Variants in DNAH11 observed in about 807,000 individuals in gnomAD.
DNAH11 encodes axonemal beta dynein heavy chain 11.
In DNAH11, 442 loss-of-function variants were observed where a neutral mutation model predicts 526.0. The observed-to-expected ratio is 0.84, with a 90% CI of 0.78 to 0.91. The LOEUF is 0.91. Ranked by LOEUF, DNAH11 falls within the 40% of genes least tolerant of loss-of-function variation. DNAH11 has a pLI of 0.00. For synonymous variants in DNAH11, 2,461 were observed against 1,935.9 expected (o/e 1.27, Z -7.12); for missense variants, 6,989 against 5,448.7 (o/e 1.28, Z -8.90).
chr7:21,559,755 T>C lies in DNAH11; in HGVS notation c.845T>C (p.Met282Thr), dbSNP rs747087320. ...CCTCAAGCAGAACTAGATTTCTGGA[T>C]GATGAGGAGAGAAAATCTGTCATGC... is the stretch of plus-strand genomic sequence containing the variant. Reference protein sequence around the residue: ...LSPQAELDFWMMRRENLSCIY... With the variant: ...LSPQAELDFWTMRRENLSCIY... Residue 282 changes from methionine to threonine, a missense_variant, in exon 4 of 82, where the codon ATG becomes ACG. By Grantham distance (81) the Met-to-Thr change is moderately conservative. Transcript: ENST00000409508. The C allele has an allele frequency of 8.3e-5, 133 of 1,607,004 alleles. No homozygotes were observed. Among genetic ancestry groups the C allele is most frequent in the East Asian group, 7.4e-4 (33 of 44,694 alleles).
In DNAH11 at chr7:21,816,532, C is replaced by A. The variant is rs748648201; in HGVS notation, c.10398C>A (p.Ala3466=). The part of the protein sequence containing the change: ...ISMLTDDATI[A]AWNNEGLPSD... ...TGTTGACGGATGATGCTACAATTGC[C>A]GCCTGGAATAACGAAGGACTGCCCA... Residue 3466 remains alanine (A), a synonymous_variant, in exon 64 of 82, where the codon GCC becomes GCA. Transcript: ENST00000409508. The A allele has an allele frequency of 6.2e-7, 1 of 1,612,728 alleles. No homozygotes were observed. Among genetic ancestry groups the A allele is most frequent in the African/African-American group, 1.3e-5 (1 of 74,976 alleles).
At position 21,798,746 on chromosome 7, in the gene DNAH11, C is replaced by T. The variant is rs1253279533; in HGVS notation, c.10027-2391C>T. Among the ~76,000 whole-genome samples, 3 of 152,172 alleles carry T rather than the reference C, an allele frequency of 2.0e-5. No individual in the cohort carries two copies. In the East Asian group the frequency reaches 5.8e-4, roughly 29 times the overall value. On this transcript the variant is annotated intron_variant, in intron 61 of 81. Coordinates refer to ENST00000409508, the MANE Select transcript of DNAH11 (RefSeq NM_001277115.2). ...TCAGCTGCTGTATGACATGCAACAC[C>T]TCAACAGATTGAATGCAATAGCAGG...
intron 54 of DNAH11, among the ~76,000 whole-genome samples, chr7:21,750,908 A>T (rs1394060764): frequency 2.0e-5 from 3 of 152,202 alleles, no homozygotes; most frequent in Non-Finnish European, 2.9e-5. Flanking sequence ...AGATCAGTAA[A>T]TCTGGAAAAG....
At chr7:21,577,005 G>A (rs1583496196) in intron 8 of DNAH11, among the ~76,000 whole-genome samples, 1 of 152,134 alleles carries the variant, frequency 6.6e-6, no homozygotes, top group Non-Finnish European at 1.5e-5. Context: ...GACTCTGAAA[G>A]GTGAAAAGAA....
rs758763580 is a variant in DNAH11 at position 21,784,523 on chromosome 7, C to T, written c.9580C>T (p.Leu3194Phe). ...EPALVAATAA[L>F]NTLNRVNLSE... ...TGCACTGGTGGCTGCTACAGCTGCACTCAATACACTCAACAGGGTAAAGAT... is the reference window on the plus strand; with the variant it reads ...TGCACTGGTGGCTGCTACAGCTGCATTCAATACACTCAACAGGGTAAAGAT... The change falls in exon 58 of 82, where the codon CTC (leucine) becomes TTC (phenylalanine). Residue 3194 changes from leucine (L) to phenylalanine (F), a missense_variant. Physicochemically the swap from Leu to Phe is conservative, Grantham distance 22 (BLOSUM62 0). Coordinates refer to ENST00000409508, the MANE Select transcript of DNAH11 (RefSeq NM_001277115.2). The T allele has an allele frequency of 6.2e-7, 1 of 1,609,672 alleles. No homozygotes were observed. The highest frequency in any genetic ancestry group is 8.5e-7 in the Non-Finnish European group (1 of 1,177,640).
At chr7:21,855,330 C>T (rs1340351837) in intron 68 of DNAH11, among the ~76,000 whole-genome samples, 1 of 152,158 alleles carries the variant, frequency 6.6e-6, no homozygotes, top group African/African-American at 2.4e-5. Flanking sequence ...CGCACCTGGC[C>T]AGCAGACTCT....
At chr7:21,623,532 A>T (rs1458967145) in intron 25 of DNAH11, among the ~76,000 whole-genome samples, 2 of 152,226 alleles carry the variant, frequency 1.3e-5, no homozygotes, top group East Asian at 3.8e-4. Context: ...TTATTGTGGC[A>T]CTATTCACAA....
At chr7:21,780,971 G>C (rs2127983660) in intron 57 of DNAH11, among the ~76,000 whole-genome samples, 1 of 152,298 alleles carries the variant, frequency 6.6e-6, no homozygotes, top group South Asian at 2.1e-4. Flanking sequence ...ATCCAGTAGA[G>C]AGACATGATG....
In DNAH11 at chr7:21,546,271, C is replaced by T. The variant is rs968413222; in HGVS notation, c.495+1122C>T. 1.1e-4 allele frequency among the ~76,000 whole-genome samples: 16 copies of T among 152,364 alleles called. No individual in the cohort carries two copies. The East Asian group carries it at 2.9e-3, about 28-fold the overall frequency. On this transcript the variant is annotated intron_variant, in intron 2 of 81. Coordinates refer to ENST00000409508, the MANE Select transcript of DNAH11 (RefSeq NM_001277115.2). ...TAACCAAAGTCTCTCACCCCTAACT[C>T]CTGTACCCTGCCTGGGTTTCCCTTC... is the stretch of plus-strand genomic sequence containing the variant.
intron 30 of DNAH11, among the ~76,000 whole-genome samples, chr7:21,665,851 C>A (rs922944548): frequency 4.6e-5 from 7 of 152,082 alleles, no homozygotes; most frequent in Admixed American, 3.9e-4. Context: ...ATGTATATTA[C>A]AGAAGCTAAC....
intron 65 of DNAH11, among the ~76,000 whole-genome samples, chr7:21,826,767 A>G (rs374223856): frequency 3.7e-4 from 56 of 152,238 alleles, no homozygotes; most frequent in African/African-American, 1.3e-3. Context: ...ATGTCCTCAA[A>G]CTCAGGTGGG....
intron 51 of DNAH11, among the ~76,000 whole-genome samples, chr7:21,747,328 G>T (rs973851242): frequency 6.6e-6 from 1 of 152,064 alleles, no homozygotes; most frequent in Non-Finnish European, 1.5e-5. Flanking sequence ...ACATGTGCTG[G>T]TCCTAATATA....
rs755550337 is a variant in DNAH11, at chr7:21,773,784, A to T, written c.9121A>T (p.Ile3041Phe). The T allele has an allele frequency of 1.3e-5, 21 of 1,600,364 alleles. No homozygotes were observed. Among genetic ancestry groups the T allele is most frequent in the Non-Finnish European group, 1.6e-5 (19 of 1,173,556 alleles). Residue 3041 changes from isoleucine to phenylalanine, a missense_variant, in exon 56 of 82, where the codon ATT becomes TTT. By Grantham distance (21) the Ile-to-Phe change is conservative. Transcript: ENST00000409508. ...KGIEPVHKDS[I>F]SLFMAHVHTT... ...TTTTCAGCCAGTGCACAAAGACTCTATTAGCCTTTTCATGGCACATGTTCA... is the reference window on the plus strand; with the variant it reads ...TTTTCAGCCAGTGCACAAAGACTCTTTTAGCCTTTTCATGGCACATGTTCA...
At chr7:21,682,525 C>CAAAAA (rs60337481) in intron 31 of DNAH11, among the ~76,000 whole-genome samples, 1 of 96,040 alleles carries the variant, frequency 1.0e-5, no homozygotes, top group African/African-American at 3.7e-5. Context: ...GACTCCATCT[C>CAAAAA]AAAAAAAAAA....
intron 48 of DNAH11, 63 bp downstream of exon 48, chr7:21,739,736 C>A: frequency 3.2e-6 from 4 of 1,257,994 alleles, no homozygotes; most frequent in Non-Finnish European, 4.5e-6. Flanking sequence ...TCGAGTACAG[C>A]TTAGGATTCC....
chr7:21,721,084 C>T (rs1036454239), intron 44 of DNAH11, among the ~76,000 whole-genome samples: 6 of 152,174 alleles, frequency 3.9e-5, no homozygotes, highest in Non-Finnish European at 5.9e-5. Context: ...GTCTTCTGAA[C>T]TGAAAGTTCT....
intron 45 of DNAH11, among the ~76,000 whole-genome samples, chr7:21,730,561 C>T (rs1463782199): frequency 6.6e-6 from 1 of 152,108 alleles, no homozygotes; most frequent in Non-Finnish European, 1.5e-5. Context: ...TTGGATGAAC[C>T]TGGAGGACAT....
intron 28 of DNAH11, among the ~76,000 whole-genome samples, chr7:21,647,456 G>T (rs989577651): frequency 1.5e-5 from 2 of 133,482 alleles, no homozygotes; most frequent in Admixed American, 1.6e-4. Context: ...TTGAGACAGA[G>T]TCTTACTCTA....
At chr7:21,567,286 T>C (rs932680813) in intron 6 of DNAH11, among the ~76,000 whole-genome samples, 5 of 152,278 alleles carry the variant, frequency 3.3e-5, no homozygotes, top group African/African-American at 1.2e-4. Context: ...ATTTTATGTT[T>C]TCTATAATTG....
Sources: gnomAD v4.1 joint callset for allele counts (sites outside exome capture counted in the v4.1 genomes callset) on GRCh38, gnomAD v4.1.1 for gene constraint, MANE v1.5 for transcripts, NCBI Gene and HGNC (gene_info 2026-07-23, HGNC 2026-07-21) for gene names.